Variants in LAMA3 observed in about 807,000 individuals in gnomAD.
LAMA3 encodes laminin subunit alpha 3, also known as laminin subunit alpha-3.
A neutral mutation model predicts 402.0 loss-of-function variants in LAMA3; 281 were observed. The ratio of observed to expected loss-of-function variants is 0.70; its 90% CI spans 0.63 to 0.77. The LOEUF is 0.77. Ranked by LOEUF, LAMA3 falls within the 30% of genes least tolerant of loss-of-function variation. The pLI is 0.00. For missense variants in LAMA3, 3,840 were observed against 4,215.5 expected (o/e 0.91, Z 2.47); for synonymous variants, 1,431 against 1,558.4 (o/e 0.92, Z 1.93).
At chr18:23,698,048 C>T (rs2060716182) in intron 1 of LAMA3, among the ~76,000 whole-genome samples, 1 of 140,902 alleles carries the variant, frequency 7.1e-6, no homozygotes, top group Admixed American at 8.0e-5. Context: ...CTTCATTTTA[C>T]CTTAATTATC....
chr18:23,822,154 G>A, intron 19 of LAMA3, 98 bp from the exon 20 acceptor site: 1 of 1,334,240 alleles, frequency 7.5e-7, no homozygotes, highest in Non-Finnish European at 1.1e-6. Context: ...TACATTACAA[G>A]TCCAGTAGTG....
rs151202077 is a variant in LAMA3, at chr18:23,876,344, G to A, written c.5049G>A (p.Arg1683=). 1.9e-6 allele frequency: 3 copies of A among 1,614,190 alleles called. No homozygotes were observed. Among genetic ancestry groups the A allele is most frequent in the Non-Finnish European group, 2.5e-6 (3 of 1,179,988 alleles). Reference sequence around the variant, plus strand: ...ATCATAAAGGCTTGTATACCGGACGGTGTGTTCCCTGCAATTGCAACGGAC... The same window carrying A: ...ATCATAAAGGCTTGTATACCGGACGATGTGTTCCCTGCAATTGCAACGGAC... ...YRDHKGLYTG[R]CVPCNCNGHS... Residue 1683 remains arginine (R), a synonymous_variant, in exon 39 of 75, where the codon CGG becomes CGA. Transcript: ENST00000313654.
intron 31 of LAMA3, 118 bp downstream of exon 31, chr18:23,846,626 T>A (rs2063822733): frequency 1.0e-6 from 1 of 966,126 alleles, no homozygotes; most frequent in Middle Eastern, 3.1e-4. Flanking sequence ...TCTGGAGAAA[T>A]GCAGATTCTG....
intron 1 of LAMA3, among the ~76,000 whole-genome samples, chr18:23,705,185 T>C (rs1474050470): frequency 1.3e-5 from 2 of 152,288 alleles, no homozygotes; most frequent in East Asian, 3.9e-4. Context: ...TAGATGATCA[T>C]CATAGGTTTG....
At chr18:23,743,398 C>T (rs1275043900) in intron 2 of LAMA3, among the ~76,000 whole-genome samples, 1 of 152,148 alleles carries the variant, frequency 6.6e-6, no homozygotes, top group Admixed American at 6.5e-5. Flanking sequence ...GTACCTGCCC[C>T]TTGAACTCAG....
intron 6 of LAMA3, among the ~76,000 whole-genome samples, chr18:23,754,330 G>T (rs1056696596): frequency 4.6e-5 from 7 of 152,096 alleles, no homozygotes; most frequent in Admixed American, 6.5e-5. Flanking sequence ...ACAACTCCTT[G>T]TTTCCTCCTA....
chr18:23,760,234 A>T (rs1475485200), intron 7 of LAMA3, among the ~76,000 whole-genome samples: 1 of 152,230 alleles, frequency 6.6e-6, no homozygotes, highest in African/African-American at 2.4e-5. Context: ...GTGCATGAAA[A>T]TCAGACCTAT....
intron 59 of LAMA3, among the ~76,000 whole-genome samples, chr18:23,916,340 T>G (rs2081620103): frequency 6.6e-6 from 1 of 152,166 alleles, no homozygotes; most frequent in African/African-American, 2.4e-5. Context: ...CGAGCTAGGG[T>G]TTGATTGTCA....
Position 23,750,978 on chromosome 18 carries a change from C to T in LAMA3, c.745C>T (p.Leu249=), listed in dbSNP as rs767714008. The T allele has an allele frequency of 1.2e-6, 2 of 1,614,076 alleles. No homozygotes were observed. The highest frequency in any genetic ancestry group is 2.2e-5 in the East Asian group (1 of 44,886). ...GAKNFTFSHT[L]REFTKATNIR... ...AAAAAATTTTACTTTCTCTCACACC[C>T]TGAGGGAGTTTACCAAGGCAACAAA... The change falls in exon 5 of 75, where the codon CTG becomes TTG. Residue 249 remains leucine (L), a synonymous_variant. Coordinates refer to ENST00000313654, the MANE Select transcript of LAMA3 (RefSeq NM_198129.4).
intron 55 of LAMA3, among the ~76,000 whole-genome samples, chr18:23,912,193 G>A (rs1480490488): frequency 6.7e-6 from 1 of 149,472 alleles, no homozygotes; most frequent in East Asian, 1.9e-4. Flanking sequence ...GAGTCCAGTG[G>A]CATGATCATG....
intron 12 of LAMA3, among the ~76,000 whole-genome samples, chr18:23,792,220 A>T (rs1227223652): frequency 6.6e-6 from 1 of 152,190 alleles, no homozygotes; most frequent in Non-Finnish European, 1.5e-5. Context: ...GTATTGCTAT[A>T]ACAGAATACC....
rs553870816 is a variant in LAMA3, at chr18:23,812,637, CG to C, written c.1742-417del. On this transcript the variant is annotated intron_variant, in intron 13 of 74. Coordinates refer to ENST00000313654, the MANE Select transcript of LAMA3 (RefSeq NM_198129.4). ...ATTGATTTTATAAATAACTTTAGTACGGGTGGGAACAAGGAGGTGTGATAAT... is the reference window on the plus strand; with the variant it reads ...ATTGATTTTATAAATAACTTTAGTACGGTGGGAACAAGGAGGTGTGATAAT... Among the ~76,000 whole-genome samples the C allele has an allele frequency of 5.3e-5, 8 of 152,180 alleles. No individual in the cohort carries two copies. In the East Asian group the frequency reaches 1.3e-3, roughly 26 times the overall value.
intron 12 of LAMA3, among the ~76,000 whole-genome samples, chr18:23,807,065 A>T (rs2062976414): frequency 6.6e-6 from 1 of 152,196 alleles, no homozygotes; most frequent in Admixed American, 6.5e-5. Context: ...ACCACATCAC[A>T]CCGATGACTA....
chr18:23,861,735 G>A lies in LAMA3; in HGVS notation c.4512G>A (p.Ala1504=), dbSNP rs746501037. ...ACCCAGGCAGCAACAGTATGGTGGC[G>A]GATCTCCAGGAGCTGCCCGCAACCA... ...SFNPGSNSMV[A]DLQELPATIH... is the part of the protein sequence containing the mutation. The change falls in exon 35 of 75, where the codon GCG becomes GCA. Residue 1504 remains alanine (A), a synonymous_variant. Coordinates refer to ENST00000313654, the MANE Select transcript of LAMA3 (RefSeq NM_198129.4). 3.6e-5 allele frequency: 58 copies of A among 1,613,894 alleles called. No homozygotes were observed. The highest frequency in any genetic ancestry group is 4.2e-5 in the Non-Finnish European group (49 of 1,179,990).
At position 23,904,050 on chromosome 18, in the gene LAMA3, G is replaced by T. The variant is rs146005577; in HGVS notation, c.6436G>T (p.Ala2146Ser). ...CCTTGTGGAGGAGGCAGAAAAGCAC[G>T]CGCGGTCCTTACAAGAGCTGGCAAA... is the stretch of plus-strand genomic sequence containing the variant. ...TSLVEEAEKH[A>S]RSLQELAKQL... is the part of the protein sequence containing the mutation. The change falls in exon 50 of 75, where the codon GCG becomes TCG. Residue 2146 changes from alanine to serine, a missense_variant. Ala to Ser is a moderately conservative substitution (Grantham distance 99). Around this residue, in one of 3 missense-constraint regions of LAMA3, gnomAD observed 891 missense variants for 857.5 expected, o/e 1.04. Transcript: ENST00000313654. 1 of 1,614,024 alleles carries T rather than the reference G, an allele frequency of 6.2e-7. No individual in the cohort carries two copies. The highest frequency in any genetic ancestry group is 1.1e-5 in the South Asian group (1 of 91,070).
intron 37 of LAMA3, 139 bp downstream of exon 37, chr18:23,868,056 C>A: frequency 1.4e-6 from 1 of 725,372 alleles, no homozygotes; most frequent in Non-Finnish European, 2.3e-6. Context: ...ACAGGTTGAG[C>A]ATCCTTAATC....
intron 62 of LAMA3, among the ~76,000 whole-genome samples, chr18:23,922,468 C>T (rs1467745800): frequency 2.0e-5 from 3 of 152,194 alleles, no homozygotes; most frequent in African/African-American, 7.2e-5. Flanking sequence ...TCTACGTAGT[C>T]AGGTACTAAT....
chr18:23,714,918 T>C (rs1372690863), intron 2 of LAMA3, among the ~76,000 whole-genome samples: 1 of 152,206 alleles, frequency 6.6e-6, no homozygotes, highest in Non-Finnish European at 1.5e-5. Flanking sequence ...TGGAATCATA[T>C]AGTATTTGTC....
At chr18:23,746,899 C>G (rs1436652907) in intron 2 of LAMA3, among the ~76,000 whole-genome samples, 1 of 151,158 alleles carries the variant, frequency 6.6e-6, no homozygotes, top group Non-Finnish European at 1.5e-5. Flanking sequence ...AAAAAAACAA[C>G]TTACCATACT....
Sources: allele counts gnomAD v4.1 joint callset (sites outside exome capture counted in the v4.1 genomes callset), GRCh38; gene constraint gnomAD v4.1.1; regional missense constraint gnomAD v4.1.1; transcripts MANE v1.5; gene names NCBI Gene and HGNC (gene_info 2026-07-23, HGNC 2026-07-21).